Variants in UNC13B observed in about 807,000 individuals in gnomAD.
UNC13B encodes the protein unc-13 homolog B.
In UNC13B, 144 loss-of-function variants were observed where a neutral mutation model predicts 211.0. The observed-to-expected ratio is 0.68, with a 90% CI of 0.60 to 0.78. The LOEUF (loss-of-function observed/expected upper bound fraction) is 0.78. UNC13B is among the 30% of genes least tolerant of loss of function. The pLI is 0.00. For missense variants in UNC13B, 1,777 were observed against 2,002.0 expected (o/e 0.89, Z 2.14); for synonymous variants, 709 against 725.8 (o/e 0.98, Z 0.37).
chr9:35,162,241 C>G lies in UNC13B; in HGVS notation c.-43C>G, dbSNP rs772709965. The G allele has an allele frequency of 6.5e-7, 1 of 1,542,118 alleles. No individual in the cohort carries two copies. Among genetic ancestry groups the G allele is most frequent in the African/African-American group, 1.4e-5 (1 of 72,954 alleles). ...TGCTGAGAGGAAAGAGGGAGCGGTC[C>G]GGCGCGGCTGGGGCGCGGCAGAGGC... On this transcript the variant is annotated 5_prime_UTR_variant, in exon 1 of 40. Transcript: ENST00000635942.
intron 6 of UNC13B, among the ~76,000 whole-genome samples, chr9:35,255,971 G>T (rs902016420): frequency 1.2e-4 from 19 of 152,086 alleles, no homozygotes; most frequent in Admixed American, 3.9e-4. Context: ...CTATGCCCAG[G>T]AATGAACAAG....
chr9:35,362,543 C>G (rs946247038), intron 11 of UNC13B, among the ~76,000 whole-genome samples: 9 of 152,196 alleles, frequency 5.9e-5, no homozygotes, highest in African/African-American at 1.9e-4. Flanking sequence ...GGCGTGGTGG[C>G]TCACGCCTGT....
chr9:35,282,464 T>G (rs756889684), intron 7 of UNC13B, among the ~76,000 whole-genome samples: 32 of 152,182 alleles, frequency 2.1e-4, no homozygotes, highest in South Asian at 2.1e-4. Flanking sequence ...ATAGTCTCAC[T>G]CTGTCACCCA....
chr9:35,380,351 ACTT>A, intron 17 of UNC13B, 116 bp from the exon 18 acceptor site: 1 of 1,074,650 alleles, frequency 9.3e-7, no homozygotes, highest in Admixed American at 2.7e-5. Flanking sequence ...CTGTCCTCTG[ACTT>A]CTCCTCTTTC....
At chr9:35,384,349 A>G in intron 22 of UNC13B, 35 bp downstream of exon 22, 8 of 1,608,348 alleles carry the variant, frequency 5.0e-6, no homozygotes, top group Non-Finnish European at 6.8e-6. Context: ...AGGATAATAG[A>G]TATCAAGCAC....
chr9:35,205,417 A>C (rs1344488362), intron 1 of UNC13B, among the ~76,000 whole-genome samples: 1 of 152,240 alleles, frequency 6.6e-6, no homozygotes, highest in Non-Finnish European at 1.5e-5. Context: ...ATCCCTTTAA[A>C]GTATAAATCC....
chr9:35,347,729 G>T (rs1832453412), intron 11 of UNC13B, among the ~76,000 whole-genome samples: 1 of 152,222 alleles, frequency 6.6e-6, no homozygotes, highest in African/African-American at 2.4e-5. Flanking sequence ...TTTGAGGCTG[G>T]GAGAAGCTGC....
At chr9:35,349,398 T>C (rs1464919676) in intron 11 of UNC13B, among the ~76,000 whole-genome samples, 1 of 150,770 alleles carries the variant, frequency 6.6e-6, no homozygotes, top group African/African-American at 2.4e-5. Flanking sequence ...ATTTTGTCCT[T>C]GTGGGAAGAG....
intron 1 of UNC13B, among the ~76,000 whole-genome samples, chr9:35,184,745 AAAGAAAGAAAGAAAGGAAGG>A (rs1381194898): frequency 1.1e-5 from 1 of 87,320 alleles, no homozygotes; most frequent in Non-Finnish European, 2.5e-5. Flanking sequence ...GAGACGAAAG[AAAGAAAGAAAGAAAGGAAGG>A]AAGGAAGGAA....
intron 1 of UNC13B, among the ~76,000 whole-genome samples, chr9:35,201,747 T>C (rs1443066768): frequency 6.6e-6 from 1 of 152,256 alleles, no homozygotes; most frequent in Admixed American, 6.5e-5. Context: ...TTAGTCTTGC[T>C]AGCGGTCTAT....
chr9:35,162,370 G>T, intron 1 of UNC13B, 65 bp downstream of exon 1: 1 of 1,473,300 alleles, frequency 6.8e-7, no homozygotes, highest in Non-Finnish European at 9.0e-7. Context: ...CCCTTCCAGT[G>T]GACGTCCGGT....
At chr9:35,348,971 G>T (rs904077298) in intron 11 of UNC13B, among the ~76,000 whole-genome samples, 1 of 151,962 alleles carries the variant, frequency 6.6e-6, no homozygotes, top group Non-Finnish European at 1.5e-5. Context: ...AGGCTGGAGT[G>T]CAGTGGTGCG....
Position 35,399,011 on chromosome 9 carries a change from T to C in UNC13B, c.12051T>C (p.Pro4017=). The stretch of plus-strand genomic sequence containing the variant: ...AGGATGCAGATAGCGTACTCCGGCC[T>C]CTCATGGACTTCCTGGATGGCAAGT... ...AAQDADSVLR[P]LMDFLDGNLT... The change falls in exon 33 of 40, where the codon CCT becomes CCC. Residue 4017 remains proline (P), a synonymous_variant. Coordinates refer to ENST00000635942, the MANE Select transcript of UNC13B (RefSeq NM_001371189.2). 3 of 1,614,038 alleles carry C rather than the reference T, an allele frequency of 1.9e-6. No homozygotes were observed. The highest frequency in any genetic ancestry group is 2.5e-6 in the Non-Finnish European group (3 of 1,179,954).
chr9:35,252,934 GA>G (rs200238778), intron 6 of UNC13B, among the ~76,000 whole-genome samples: 22,023 of 149,284 alleles, frequency 0.15, 1,861 homozygotes, highest in Admixed American at 0.25. Flanking sequence ...TGTCTCAAAA[GA>G]AAAAAAAAAT....
rs372377844 is a variant in UNC13B, at chr9:35,403,184, C to G, written c.12502C>G (p.Pro4168Ala). Reference sequence around the variant, plus strand: ...TCCCTCAGGGTCTGGTGTGGACGATCCTGTGGGAGAAGTCTCTATTCAGGT... The same window carrying G: ...TCCCTCAGGGTCTGGTGTGGACGATGCTGTGGGAGAAGTCTCTATTCAGGT... The part of the protein sequence containing the change: ...QTTQGSGVDD[P>A]VGEVSIQVDL... The change falls in exon 38 of 40, where the codon CCT (proline) becomes GCT (alanine). Residue 4168 changes from proline to alanine, a missense_variant. Physicochemically the swap from Pro to Ala is conservative, Grantham distance 27. Coordinates refer to ENST00000635942, the MANE Select transcript of UNC13B (RefSeq NM_001371189.2). The G allele has an allele frequency of 6.2e-7, 1 of 1,614,118 alleles. No homozygotes were observed. Among genetic ancestry groups the G allele is most frequent in the South Asian group, 1.1e-5 (1 of 91,060 alleles).
chr9:35,167,073 TTTTTA>T (rs1253261198), intron 1 of UNC13B, among the ~76,000 whole-genome samples: 2 of 152,126 alleles, frequency 1.3e-5, no homozygotes, highest in East Asian at 3.9e-4. Flanking sequence ...TAGTGTATTT[TTTTTA>T]TTTTATTTTT....
intron 9 of UNC13B, among the ~76,000 whole-genome samples, chr9:35,309,212 G>A (rs1478088445): frequency 3.7e-5 from 5 of 136,396 alleles, no homozygotes; most frequent in Non-Finnish European, 7.8e-5. Flanking sequence ...CAAAGGGGTT[G>A]GTCAGGGTCA....
At chr9:35,356,424 T>G (rs576800358) in intron 11 of UNC13B, among the ~76,000 whole-genome samples, 1 of 152,168 alleles carries the variant, frequency 6.6e-6, no homozygotes, top group Non-Finnish European at 1.5e-5. Context: ...TACTCTCATG[T>G]GCATTGTATA....
intron 2 of UNC13B, among the ~76,000 whole-genome samples, chr9:35,228,443 C>G (rs1312012078): frequency 6.6e-6 from 1 of 151,794 alleles, no homozygotes; most frequent in African/African-American, 2.4e-5. Context: ...CCCATTAACT[C>G]GTCATTTACA....
Sources: allele counts gnomAD v4.1 joint callset (sites outside exome capture counted in the v4.1 genomes callset), GRCh38; gene constraint gnomAD v4.1.1; transcripts MANE v1.5; gene names NCBI Gene and HGNC (gene_info 2026-07-23, HGNC 2026-07-21).